The following GALNT1 variants were observed in gnomAD, a reference collection of about 807,000 sequenced individuals.
GALNT1 encodes polypeptide N-acetylgalactosaminyltransferase 1.
A neutral mutation model predicts 65.7 loss-of-function variants in GALNT1; 17 were observed. The observed-to-expected ratio is 0.26, with a 90% CI of 0.18 to 0.39. The LOEUF is 0.39. GALNT1 is among the 10% of genes least tolerant of loss of function. The pLI is 1.00. For missense variants in GALNT1, 460 were observed against 672.8 expected, an observed-to-expected ratio of 0.68 and a Z score of 3.50; for synonymous variants, 210 against 219.7, an observed-to-expected ratio of 0.96 and a Z score of 0.39.
chr18:35,634,278 A>G (rs938922085), intron 1 of GALNT1, among the ~76,000 whole-genome samples: 2 of 152,224 alleles, frequency 1.3e-5, no homozygotes, highest in African/African-American at 4.8e-5. Context: ...TAGGGGTCAC[A>G]TAACTCATAA....
intron 3 of GALNT1, 101 bp downstream of exon 3, chr18:35,663,903 A>G (rs2047510146): frequency 9.4e-7 from 1 of 1,059,056 alleles, no homozygotes; most frequent in Admixed American, 2.1e-5. Context: ...GGCAAATGTT[A>G]TATCACTATG....
At chr18:35,693,065 G>T (rs1568034275) in intron 9 of GALNT1, among the ~76,000 whole-genome samples, 1 of 152,216 alleles carries the variant, frequency 6.6e-6, no homozygotes, top group African/African-American at 2.4e-5. Context: ...CACACAATAT[G>T]TCAGGTGGTG....
At chr18:35,692,796 A>ATAAG (rs1187771934) in intron 9 of GALNT1, among the ~76,000 whole-genome samples, 4 of 152,190 alleles carry the variant, frequency 2.6e-5, no homozygotes, top group African/African-American at 9.7e-5. Flanking sequence ...ATTTCCTTTT[A>ATAAG]TAAGTCACAG....
intron 1 of GALNT1, among the ~76,000 whole-genome samples, chr18:35,586,082 C>T (rs941543814): frequency 3.3e-5 from 5 of 152,130 alleles, no homozygotes; most frequent in Admixed American, 1.3e-4. Flanking sequence ...CTGGAACATC[C>T]CAAAGTGCCG....
Position 35,654,836 on chromosome 18 carries a change from A to G in GALNT1, c.139+35A>G, listed in dbSNP as rs535366990. 9 of 1,433,726 alleles carry G rather than the reference A, an allele frequency of 6.3e-6. No individual in the cohort carries two copies. In the South Asian group the frequency reaches 6.6e-5, roughly 11 times the overall value. 88.8% of individuals were successfully genotyped at this position (1,433,726 alleles called of 1,614,324 possible). ...ATTTTATAATAGAGCTGTTTTAACT[A>G]CTATATCACTGGTTTTTACTAACTA... On this transcript the variant is annotated intron_variant, in intron 2 of 11. Transcript: ENST00000269195.
intron 1 of GALNT1, among the ~76,000 whole-genome samples, chr18:35,608,883 A>G (rs908513286): frequency 6.6e-6 from 1 of 152,190 alleles, no homozygotes; most frequent in African/African-American, 2.4e-5. Context: ...TAGCCATCAT[A>G]GGGGCACTGT....
At chr18:35,622,978 T>A (rs2144125501) in intron 1 of GALNT1, among the ~76,000 whole-genome samples, 1 of 152,244 alleles carries the variant, frequency 6.6e-6, no homozygotes, top group East Asian at 1.9e-4. Context: ...TGTTTCCTCT[T>A]ACCCACACCT....
intron 3 of GALNT1, 57 bp from the exon 4 acceptor site, chr18:35,677,534 C>T: frequency 7.1e-7 from 1 of 1,401,780 alleles, no homozygotes; most frequent in East Asian, 2.4e-5. Context: ...AGTCCAGATT[C>T]CTTTATTATG....
intron 9 of GALNT1, among the ~76,000 whole-genome samples, chr18:35,700,964 T>C (rs2048152198): frequency 6.6e-6 from 1 of 152,060 alleles, no homozygotes; most frequent in Admixed American, 6.6e-5. Flanking sequence ...GGGGAAGAAA[T>C]AGAGGAAAAC....
At chr18:35,646,486 G>A (rs2047232629) in intron 1 of GALNT1, among the ~76,000 whole-genome samples, 1 of 152,210 alleles carries the variant, frequency 6.6e-6, no homozygotes, top group Admixed American at 6.5e-5. Context: ...TTCATGCCTG[G>A]CAGCATAATG....
intron 1 of GALNT1, among the ~76,000 whole-genome samples, chr18:35,636,407 G>T (rs1396356772): frequency 6.6e-6 from 1 of 152,120 alleles, no homozygotes; most frequent in African/African-American, 2.4e-5. Context: ...AGGGTTTTAG[G>T]TCAAAGAGAG....
intron 1 of GALNT1, among the ~76,000 whole-genome samples, chr18:35,592,790 T>G (rs1170468449): frequency 6.6e-6 from 1 of 152,142 alleles, no homozygotes; most frequent in African/African-American, 2.4e-5. Context: ...CTCTGGTGTT[T>G]GTCTCAGCAA....
chr18:35,681,945 G>T (rs540735250), intron 4 of GALNT1, among the ~76,000 whole-genome samples: 4 of 152,128 alleles, frequency 2.6e-5, no homozygotes, highest in South Asian at 4.2e-4. Flanking sequence ...ACTTCATAGG[G>T]TCATTGTGAG....
chr18:35,691,975 A>AT (rs2047971067), intron 8 of GALNT1, among the ~76,000 whole-genome samples: 1 of 152,112 alleles, frequency 6.6e-6, no homozygotes, highest in African/African-American at 2.4e-5. Context: ...CATAAATGTC[A>AT]TTTTTCTCTG....
At chr18:35,581,734 G>T (rs867561835), upstream of GALNT1, 854 of 52,706 alleles carry the variant, frequency 0.016, 9 homozygotes, top group African/African-American at 0.058. Context: ...CGGGGGAGCC[G>T]CCGGCAGTGG....
At chr18:35,663,870 A>T in intron 3 of GALNT1, 68 bp downstream of exon 3, 1 of 1,453,590 alleles carries the variant, frequency 6.9e-7, no homozygotes, top group Non-Finnish European at 9.5e-7. Context: ...AGTAAATTGC[A>T]CTTGAGTGCT....
chr18:35,702,913 C>T lies in GALNT1; in HGVS notation c.1316C>T (p.Thr439Met), dbSNP rs368664035. Reference protein sequence around the residue: ...FSLGEIRNVETNQCLDNMARK... With the variant: ...FSLGEIRNVEMNQCLDNMARK... The stretch of plus-strand genomic sequence containing the variant: ...GTCCCATAGATACGAAATGTGGAAA[C>T]GAATCAGTGTCTAGATAACATGGCT... The change falls in exon 10 of 12, where the codon ACG (threonine) becomes ATG (methionine). Residue 439 changes from threonine (T) to methionine (M), a missense_variant. Transcript: ENST00000269195. 22 of 1,602,644 alleles carry T rather than the reference C, an allele frequency of 1.4e-5. No homozygotes were observed. Among genetic ancestry groups the T allele is most frequent in the South Asian group, 4.5e-5 (4 of 88,538 alleles).
chr18:35,657,841 T>G (rs1193492935), intron 2 of GALNT1, among the ~76,000 whole-genome samples: 1 of 152,192 alleles, frequency 6.6e-6, no homozygotes, highest in African/African-American at 2.4e-5. Flanking sequence ...GGGAAGCATG[T>G]AGTATACGGT....
intron 1 of GALNT1, among the ~76,000 whole-genome samples, chr18:35,638,019 TTAA>T (rs2047114531): frequency 6.6e-6 from 1 of 152,220 alleles, no homozygotes; most frequent in Non-Finnish European, 1.5e-5. Flanking sequence ...GACTTGCTGC[TTAA>T]TAAAAAAGAT....
Sources: allele counts gnomAD v4.1 joint callset (sites outside exome capture counted in the v4.1 genomes callset), GRCh38; gene constraint gnomAD v4.1.1; transcripts MANE v1.5; gene names NCBI Gene and HGNC (gene_info 2026-07-23, HGNC 2026-07-21).